Variants in PCSK4 observed in about 807,000 individuals in gnomAD.
The protein encoded by PCSK4 is testicular tissue protein Li 135.
A neutral mutation model predicts 80.3 loss-of-function variants in PCSK4; 64 were observed. That is an observed-to-expected ratio of 0.80 (90% CI 0.65 to 0.98). The LOEUF (loss-of-function observed/expected upper bound fraction) is 0.98. Ranked by LOEUF, PCSK4 falls within the 50% of genes least tolerant of loss-of-function variation. The pLI is 0.00. For synonymous variants in PCSK4, 561 were observed against 487.6 expected, an observed-to-expected ratio of 1.15 and a Z score of -1.98; for missense variants, 1,213 against 1,093.6, an observed-to-expected ratio of 1.11 and a Z score of -1.54.
At chr19:1,483,176 CGT>C (rs2084397434) in intron 12 of PCSK4, 106 bp downstream of exon 12, 4 of 1,285,884 alleles carry the variant, frequency 3.1e-6, no homozygotes, top group Non-Finnish European at 4.2e-6. Context: ...ACTAGGCTGC[CGT>C]GTGACTCCTA....
At chr19:1,489,193 G>C (rs1397669615) in intron 2 of PCSK4, among the ~76,000 whole-genome samples, 1 of 149,480 alleles carries the variant, frequency 6.7e-6, no homozygotes, top group Admixed American at 6.7e-5. Context: ...GTGCAATGGC[G>C]CGATCTCGGC....
At chr19:1,485,137 G>A (rs540269266) in intron 8 of PCSK4, among the ~76,000 whole-genome samples, 1 of 151,784 alleles carries the variant, frequency 6.6e-6, no homozygotes, top group East Asian at 1.9e-4. Context: ...GACAGAGTGA[G>A]ACTCTGTCTC....
chr19:1,486,790 G>T, intron 8 of PCSK4, 63 bp downstream of exon 8: 1 of 1,369,230 alleles, frequency 7.3e-7, no homozygotes, highest in Non-Finnish European at 1.0e-6. Context: ...GTGGGGACAG[G>T]AGGAGGCCAG....
intron 2 of PCSK4, chr19:1,489,570 G>T: frequency 1.4e-6 from 1 of 717,944 alleles, no homozygotes; most frequent in Non-Finnish European, 2.2e-6. Context: ...GGAGGGGGAG[G>T]ACAAGAGGTG....
chr19:1,489,501 A>C (rs1428595261), intron 2 of PCSK4: 1 of 425,804 alleles, frequency 2.3e-6, no homozygotes, highest in East Asian at 4.2e-5. Context: ...CATGACCTAG[A>C]CGGTGGGGAA....
intron 2 of PCSK4, 39 bp from the exon 3 acceptor site, chr19:1,488,319 G>T (rs569645054): frequency 1.3e-6 from 2 of 1,502,316 alleles, no homozygotes; most frequent in Non-Finnish European, 9.2e-7. Flanking sequence ...TCCCCTGCTC[G>T]CCCCTGGGGC....
At chr19:1,482,976 A>G (rs767523181) in exon 13 of PCSK4, 2 of 1,385,282 alleles carry the variant, frequency 1.4e-6, no homozygotes, top group South Asian at 1.1e-5. Context: ...GTGGGTGGAC[A>G]TGAAGACCCA....
upstream of PCSK4, chr19:1,490,762 C>T (rs898523033): frequency 5.0e-6 from 1 of 200,288 alleles, no homozygotes; most frequent in Admixed American, 5.9e-5. Flanking sequence ...TAAGCCTCGC[C>T]CCGTTCCCGC....
upstream of PCSK4, chr19:1,490,581 T>C (rs1271645276): frequency 6.3e-6 from 3 of 476,986 alleles, no homozygotes; most frequent in African/African-American, 4.1e-5. Flanking sequence ...AGTTTTCCCA[T>C]TTGTACAACG....
In PCSK4 at chr19:1,483,945, C is replaced by A; in HGVS notation, c.1170-4G>T. 1.9e-6 allele frequency: 2 copies of A among 1,069,344 alleles called. No individual in the cohort carries two copies. The highest frequency in any genetic ancestry group is 2.6e-6 in the Non-Finnish European group (2 of 776,420). 66.2% of individuals were successfully genotyped at this position (1,069,344 alleles called of 1,614,324 possible). ...GTCTCTCCACGTCAGGAACGGGCTG[C>A]GGGGGGCGGGGGCGGGGGCGGGTGA... On this transcript the variant is annotated splice_polypyrimidine_tract_variant and splice_region_variant and intron_variant, in intron 9 of 14. Coordinates refer to ENST00000300954, the Ensembl canonical transcript of PCSK4.
exon 11 of PCSK4, chr19:1,483,668 C>T (rs756063239): frequency 1.8e-5 from 29 of 1,593,602 alleles, no homozygotes; most frequent in South Asian, 1.0e-4. Context: ...GCTCTGGACC[C>T]GGACGGCGCA....
chr19:1,487,726 C>T, intron 5 of PCSK4, 35 bp from the exon 6 acceptor site: 2 of 1,546,374 alleles, frequency 1.3e-6, no homozygotes, highest in South Asian at 1.2e-5. Context: ...CCTGTCACGG[C>T]CTCCATCCCC....
At chr19:1,487,164 C>G in exon 7 of PCSK4, 1 of 1,606,500 alleles carries the variant, frequency 6.2e-7, no homozygotes, top group South Asian at 1.1e-5. Flanking sequence ...CGCCGGAAGG[C>G]CTCGCGGGTG....
exon 12 of PCSK4, chr19:1,483,407 T>C (rs1194431062): frequency 6.2e-7 from 1 of 1,600,140 alleles, no homozygotes. Flanking sequence ...GATGGAGTTG[T>C]GGAGGCCGGC....
At chr19:1,481,657 T>C (rs992107720) in exon 15 of PCSK4, 14 of 741,734 alleles carry the variant, frequency 1.9e-5, no homozygotes, top group Admixed American at 3.1e-5. Flanking sequence ...AGGCGTCGGG[T>C]GCTGGTGCTC....
In PCSK4 at chr19:1,482,215, G is replaced by T. The variant is rs372129304; in HGVS notation, c.1820-8C>A. On this transcript the variant is annotated splice_region_variant and splice_polypyrimidine_tract_variant and intron_variant, in intron 14 of 14. Coordinates refer to ENST00000300954, the Ensembl canonical transcript of PCSK4. ...AGGCGGGGCCGTCACACGCTGCTCG[G>T]GGACACGCACGCAAAGGCCCGTCAG... 2.6e-6 allele frequency: 4 copies of T among 1,529,418 alleles called. No homozygotes were observed. In the African/African-American group the frequency reaches 5.5e-5, roughly 21 times the overall value. 94.7% of individuals were successfully genotyped at this position (1,529,418 alleles called of 1,614,324 possible). A position where few individuals can be genotyped will look rare whatever the true frequency, so the allele number is the denominator to read the frequency against.
chr19:1,482,841 T>C (rs1351141096), intron 13 of PCSK4, 55 bp downstream of exon 13: 1 of 1,591,238 alleles, frequency 6.3e-7, no homozygotes, highest in Non-Finnish European at 8.6e-7. Flanking sequence ...CCAGAGCCCC[T>C]GGGGGGAGGT....
intron 3 of PCSK4, 36 bp from the exon 4 acceptor site, chr19:1,488,128 C>T: frequency 1.2e-6 from 2 of 1,612,872 alleles, no homozygotes; most frequent in Non-Finnish European, 8.5e-7. Context: ...CCTGTGAGGG[C>T]CTGGAGTTGA....
intron 2 of PCSK4, among the ~76,000 whole-genome samples, chr19:1,489,334 G>T (rs568585464): frequency 6.6e-6 from 1 of 152,032 alleles, no homozygotes; most frequent in African/African-American, 2.4e-5. Flanking sequence ...GGGTTTCACC[G>T]TGTTCGCTAG....
Sources: gnomAD v4.1 joint callset for allele counts (sites outside exome capture counted in the v4.1 genomes callset) on GRCh38, gnomAD v4.1.1 for gene constraint, MANE v1.5 for transcripts, NCBI Gene and HGNC (gene_info 2026-07-23, HGNC 2026-07-21) for gene names.